The following TAFA1 variants were observed in gnomAD, a reference collection of about 807,000 sequenced individuals.
The protein encoded by TAFA1 is TAFA chemokine like family member 1.
Under a neutral mutation model 18.5 loss-of-function variants are expected in TAFA1, and 4 were observed. That is an observed-to-expected ratio of 0.22 (90% confidence interval 0.11 to 0.49). The LOEUF (loss-of-function observed/expected upper bound fraction) is 0.49. TAFA1 is among the 20% of genes least tolerant of loss of function. The pLI is 0.98. For synonymous variants in TAFA1, 56 were observed against 55.2 expected, an observed-to-expected ratio of 1.01 and a Z score of -0.06; for missense variants, 147 against 169.0, an observed-to-expected ratio of 0.87 and a Z score of 0.72.
chr3:68,319,014 C>CA (rs2068653405), intron 2 of TAFA1, among the ~76,000 whole-genome samples: 1 of 152,166 alleles, frequency 6.6e-6, no homozygotes, highest in Admixed American at 6.6e-5. Context: ...CTTTCTCTTT[C>CA]TCCTCTGCTG....
chr3:68,306,048 G>GA (rs991096539), intron 2 of TAFA1, among the ~76,000 whole-genome samples: 11 of 151,810 alleles, frequency 7.2e-5, no homozygotes, highest in African/African-American at 1.9e-4. Context: ...GACAGAGGAG[G>GA]AAAAAAAATA....
intron 2 of TAFA1, among the ~76,000 whole-genome samples, chr3:68,253,334 C>T (rs759650511): frequency 2.6e-5 from 4 of 152,116 alleles, no homozygotes; most frequent in African/African-American, 7.2e-5. Context: ...CTTGCCCTTG[C>T]GTACTTTAAT....
At chr3:68,421,647 C>T (rs2106810330) in intron 3 of TAFA1, among the ~76,000 whole-genome samples, 1 of 152,100 alleles carries the variant, frequency 6.6e-6, no homozygotes, top group South Asian at 2.1e-4. Context: ...TCAGTTTGCT[C>T]ATCTGTAAAA....
chr3:68,313,666 A>T (rs939012006), intron 2 of TAFA1, among the ~76,000 whole-genome samples: 5 of 152,240 alleles, frequency 3.3e-5, no homozygotes, highest in Admixed American at 1.3e-4. Flanking sequence ...TGCAGTGTAC[A>T]CCTGGACAAT....
intron 2 of TAFA1, among the ~76,000 whole-genome samples, chr3:68,386,979 C>A (rs2070118439): frequency 6.6e-6 from 1 of 151,994 alleles, no homozygotes; most frequent in Non-Finnish European, 1.5e-5. Context: ...ATATACTTGC[C>A]CTACATCTAG....
At chr3:68,418,067 G>A (rs2070875468) in intron 3 of TAFA1, among the ~76,000 whole-genome samples, 1 of 152,196 alleles carries the variant, frequency 6.6e-6, no homozygotes, top group Admixed American at 6.5e-5. Flanking sequence ...GAAACATGAA[G>A]GTCCAGCTCA....
chr3:68,112,319 T>A (rs7428359), intron 2 of TAFA1, among the ~76,000 whole-genome samples: 57,813 of 152,012 alleles, frequency 0.38, 11,190 homozygotes, highest in East Asian at 0.49. Flanking sequence ...AATGAGCTTA[T>A]TCAGAAATTC....
chr3:68,205,561 T>C (rs2066516369), intron 2 of TAFA1, among the ~76,000 whole-genome samples: 1 of 151,874 alleles, frequency 6.6e-6, no homozygotes, highest in Admixed American at 6.6e-5. Context: ...GCTATGTTAC[T>C]ACAATGCGAC....
At chr3:68,242,713 T>G (rs1017996205) in intron 2 of TAFA1, among the ~76,000 whole-genome samples, 1 of 152,160 alleles carries the variant, frequency 6.6e-6, no homozygotes, top group Non-Finnish European at 1.5e-5. Context: ...TGCAGGCATA[T>G]ATTGTTATAT....
chr3:68,053,759 AGT>A (rs1176142096), intron 2 of TAFA1, among the ~76,000 whole-genome samples: 3 of 152,154 alleles, frequency 2.0e-5, no homozygotes, highest in Admixed American at 6.6e-5. Context: ...GCTGAAGTGT[AGT>A]GATGCAATCA....
At chr3:68,121,976 C>G (rs958667648) in intron 2 of TAFA1, among the ~76,000 whole-genome samples, 2 of 152,086 alleles carry the variant, frequency 1.3e-5, no homozygotes, top group African/African-American at 4.8e-5. Flanking sequence ...ATAGAACACT[C>G]AATATACTCT....
intron 2 of TAFA1, among the ~76,000 whole-genome samples, chr3:68,305,113 TG>T (rs1345661440): frequency 2.0e-5 from 3 of 152,026 alleles, no homozygotes; most frequent in Non-Finnish European, 4.4e-5. Context: ...GCAGTGTCTC[TG>T]GGTAGCATCC....
intron 3 of TAFA1, among the ~76,000 whole-genome samples, chr3:68,521,039 C>T (rs1329141205): frequency 6.6e-6 from 1 of 152,140 alleles, no homozygotes; most frequent in Non-Finnish European, 1.5e-5. Context: ...TCCTGCATAA[C>T]AGAAAGTAAG....
chr3:68,479,143 A>G (rs1217867524), intron 3 of TAFA1, among the ~76,000 whole-genome samples: 1 of 148,980 alleles, frequency 6.7e-6, no homozygotes, highest in East Asian at 2.0e-4. Context: ...AGACAGGAGA[A>G]TCGCTTGAAC....
chr3:68,523,408 C>T (rs1355522), intron 3 of TAFA1, among the ~76,000 whole-genome samples: 120,163 of 152,128 alleles, frequency 0.79, 47,553 homozygotes, highest in East Asian at 0.9. Flanking sequence ...AAGCTGCCAA[C>T]TTTTGACCTT....
intron 2 of TAFA1, among the ~76,000 whole-genome samples, chr3:68,231,218 T>C (rs2066866759): frequency 6.6e-6 from 1 of 152,106 alleles, no homozygotes; most frequent in Admixed American, 6.6e-5. Context: ...AACATTTAAA[T>C]ACTCAAAAAG....
intron 3 of TAFA1, among the ~76,000 whole-genome samples, chr3:68,452,522 CAAA>C (rs10663334): frequency 8.8e-6 from 1 of 113,354 alleles, no homozygotes; most frequent in Admixed American, 9.5e-5. Context: ...AACTCTCTCT[CAAA>C]AAAAAAAAAA....
At chr3:68,365,969 C>T (rs1408562265) in intron 2 of TAFA1, among the ~76,000 whole-genome samples, 1 of 151,494 alleles carries the variant, frequency 6.6e-6, no homozygotes, top group African/African-American at 2.4e-5. Flanking sequence ...CCTGTAGTCC[C>T]AGCTACTCGG....
At position 68,019,213 on chromosome 3, in the gene TAFA1, A is replaced by G. The variant is rs543322806; in HGVS notation, c.118+12469A>G. ...TGTTGTATATCATGTAATAGTTTTG[A>G]GTACTGCAGCTGAATAATGCTTGAT... On this transcript the variant is annotated intron_variant, in intron 2 of 4. Transcript: ENST00000478136. Among the ~76,000 whole-genome samples, 12 of 152,334 alleles carry G rather than the reference A, an allele frequency of 7.9e-5. No homozygotes were observed. In the East Asian group the frequency reaches 2.3e-3, roughly 29 times the overall value.
Sources: allele counts gnomAD v4.1 joint callset (sites outside exome capture counted in the v4.1 genomes callset), GRCh38; gene constraint gnomAD v4.1.1; transcripts MANE v1.5; gene names NCBI Gene and HGNC (gene_info 2026-07-23, HGNC 2026-07-21).